ANKS1B: variants seen among roughly 807,000 people sequenced by gnomAD.
ANKS1B encodes ankyrin repeat and sterile alpha motif domain containing 1B.
A neutral mutation model predicts 148.3 loss-of-function variants in ANKS1B; 36 were observed. The observed-to-expected ratio is 0.24, with a 90% CI of 0.19 to 0.32. The LOEUF (loss-of-function observed/expected upper bound fraction) is 0.32. ANKS1B is among the 10% of genes least tolerant of loss of function. ANKS1B has a pLI of 1.00. For synonymous variants in ANKS1B, 542 were observed against 560.8 expected (o/e 0.97, Z 0.47); for missense variants, 1,157 against 1,542.6 (o/e 0.75, Z 4.19).
intron 15 of ANKS1B, chr12:99,104,751 C>T (rs767667398): frequency 2.0e-5 from 3 of 152,274 alleles, no homozygotes; most frequent in Non-Finnish European, 2.9e-5. Flanking sequence ...CTCTTTACCT[C>T]CTCTGACTAC....
At chr12:99,473,916 T>C (rs960646236) in intron 10 of ANKS1B, among the ~76,000 whole-genome samples, 2 of 152,100 alleles carry the variant, frequency 1.3e-5, no homozygotes, top group South Asian at 2.1e-4. Context: ...CTACCAATCT[T>C]CTTAATGATG....
intron 17 of ANKS1B, among the ~76,000 whole-genome samples, chr12:98,966,234 C>CA (rs1306546267): frequency 6.6e-6 from 1 of 152,132 alleles, no homozygotes; most frequent in Non-Finnish European, 1.5e-5. Flanking sequence ...AAAAAGTGGG[C>CA]AAAGGATCTG....
At chr12:99,762,538 G>C (rs992300212) in intron 8 of ANKS1B, among the ~76,000 whole-genome samples, 1 of 152,088 alleles carries the variant, frequency 6.6e-6, no homozygotes, top group Non-Finnish European at 1.5e-5. Flanking sequence ...AGAAAAGATA[G>C]ATTAAAGATT....
intron 14 of ANKS1B, among the ~76,000 whole-genome samples, chr12:99,238,510 C>G (rs1213895666): frequency 6.6e-6 from 1 of 152,218 alleles, no homozygotes; most frequent in African/African-American, 2.4e-5. Flanking sequence ...CAGACAGTTT[C>G]TGCAGATTTA....
intron 12 of ANKS1B, chr12:99,343,886 A>T (rs2090291604): frequency 6.6e-6 from 1 of 152,010 alleles, no homozygotes. Flanking sequence ...AGTTGGGTTG[A>T]TCCCTCAGGA....
intron 22 of ANKS1B, among the ~76,000 whole-genome samples, chr12:98,796,108 T>C (rs1566607339): frequency 6.6e-6 from 1 of 152,206 alleles, no homozygotes; most frequent in East Asian, 1.9e-4. Flanking sequence ...TTTGGGGTAA[T>C]TAAATGTTCA....
At chr12:99,002,091 A>G (rs1484482862) in intron 17 of ANKS1B, among the ~76,000 whole-genome samples, 1 of 152,250 alleles carries the variant, frequency 6.6e-6, no homozygotes, top group Non-Finnish European at 1.5e-5. Flanking sequence ...GACTATTACG[A>G]ATAATGCTGC....
At chr12:99,610,141 A>AAAGT (rs1310894120) in intron 9 of ANKS1B, among the ~76,000 whole-genome samples, 3 of 152,144 alleles carry the variant, frequency 2.0e-5, no homozygotes, top group Non-Finnish European at 4.4e-5. Flanking sequence ...TTATTTAATC[A>AAAGT]AAGTTTTATG....
At chr12:99,799,017 C>A (rs2066605806) in intron 4 of ANKS1B, among the ~76,000 whole-genome samples, 3 of 152,060 alleles carry the variant, frequency 2.0e-5, no homozygotes, top group Admixed American at 6.6e-5. Flanking sequence ...TTCCTGTGAA[C>A]CTGCTTTCAC....
chr12:99,420,913 A>G (rs1162986461), intron 11 of ANKS1B, among the ~76,000 whole-genome samples: 1 of 152,206 alleles, frequency 6.6e-6, no homozygotes, highest in Non-Finnish European at 1.5e-5. Context: ...ACTAATTCCT[A>G]TGGGTTAAAC....
At chr12:99,882,296 G>T (rs1356940280) in intron 1 of ANKS1B, among the ~76,000 whole-genome samples, 1 of 152,078 alleles carries the variant, frequency 6.6e-6, no homozygotes, top group African/African-American at 2.4e-5. Flanking sequence ...TGCCTAATAT[G>T]TATATCATCC....
rs1299821722 is a variant in ANKS1B at position 98,801,307 on chromosome 12, TGA to T, written c.3142-184_3142-183del. ...TATGTATTAGCATATCTCTCAAGGC[TGA>T]GTTAATTTTTGAGGTGTGGAGTTGA... On this transcript the variant is annotated intron_variant, in intron 20 of 26. Coordinates refer to ENST00000683438, the MANE Select transcript of ANKS1B (RefSeq NM_001352186.2). The surrounding 1 kb of genome is among the most constrained non-coding windows in gnomAD (Gnocchi z 5.2). Among the ~76,000 whole-genome samples, 1 of 152,208 alleles carries T rather than the reference TGA, an allele frequency of 6.6e-6. No individual in the cohort carries two copies. Among genetic ancestry groups the T allele is most frequent in the African/African-American group, 2.4e-5 (1 of 41,450 alleles).
intron 14 of ANKS1B, among the ~76,000 whole-genome samples, chr12:99,190,898 T>C (rs1315307450): frequency 1.3e-5 from 2 of 151,168 alleles, no homozygotes; most frequent in South Asian, 2.1e-4. Flanking sequence ...ATCATGAGAG[T>C]GAACAGGCAA....
chr12:99,681,720 A>G (rs2098618955), intron 8 of ANKS1B, among the ~76,000 whole-genome samples: 2 of 152,324 alleles, frequency 1.3e-5, no homozygotes, highest in South Asian at 4.1e-4. Flanking sequence ...TTCCTCTGAC[A>G]TATTCTACCC....
Position 99,865,744 on chromosome 12 carries a change from G to C in ANKS1B, c.135-40355C>G, listed in dbSNP as rs147172995. Among the ~76,000 whole-genome samples the C allele has an allele frequency of 4.6e-3, 693 of 152,254 alleles. 5 individuals carry two copies. The highest frequency in any genetic ancestry group is 0.016 in the African/African-American group (650 of 41,554). The stretch of plus-strand genomic sequence containing the variant: ...CATCTAAAAAAGAAATATTTAGTTG[G>C]TCTTTATTTACACTAAATTAGAAAA... On this transcript the variant is annotated intron_variant, in intron 1 of 26. Coordinates refer to ENST00000683438, the MANE Select transcript of ANKS1B (RefSeq NM_001352186.2).
At chr12:98,856,554 G>A (rs1415048678) in intron 17 of ANKS1B, among the ~76,000 whole-genome samples, 1 of 152,218 alleles carries the variant, frequency 6.6e-6, no homozygotes, top group African/African-American at 2.4e-5. Flanking sequence ...TCATGTGTGT[G>A]TGCATGAGTT....
intron 25 of ANKS1B, among the ~76,000 whole-genome samples, chr12:98,758,710 C>T (rs1019575812): frequency 1.3e-5 from 2 of 152,062 alleles, no homozygotes; most frequent in Admixed American, 6.6e-5. Flanking sequence ...CAGGAATTCC[C>T]CTCTTCCCTT....
intron 12 of ANKS1B, among the ~76,000 whole-genome samples, chr12:99,301,541 A>C (rs1458350919): frequency 6.6e-6 from 1 of 152,164 alleles, no homozygotes; most frequent in Non-Finnish European, 1.5e-5. Flanking sequence ...GATCAAAAGA[A>C]TTTTACCACT....
At chr12:98,962,020 A>G (rs2888300) in intron 17 of ANKS1B, among the ~76,000 whole-genome samples, 59,524 of 151,534 alleles carry the variant, frequency 0.39, 11,923 homozygotes, top group African/African-American at 0.42. Flanking sequence ...AAGGAAGAGA[A>G]GACCGCAAAA....
Sources: allele counts gnomAD v4.1 joint callset (sites outside exome capture counted in the v4.1 genomes callset), GRCh38; gene constraint gnomAD v4.1.1; non-coding constraint Gnocchi (gnomAD v3.1); transcripts MANE v1.5; gene names NCBI Gene and HGNC (gene_info 2026-07-23, HGNC 2026-07-21).